ST8SIA1: variants seen among roughly 807,000 people sequenced by gnomAD.
The protein encoded by ST8SIA1 is alpha-N-acetylneuraminide alpha-2,8-sialyltransferase.
A neutral mutation model predicts 35.9 loss-of-function variants in ST8SIA1; 16 were observed. That is an observed-to-expected ratio of 0.45 (90% CI 0.30 to 0.68). The LOEUF is 0.68. Among genes scored for constraint, ST8SIA1 ranks in the 30% least tolerant of loss-of-function variants. The pLI, the probability that ST8SIA1 is intolerant of heterozygous loss-of-function variation, is 0.09. For synonymous variants in ST8SIA1, 170 were observed against 169.6 expected, an observed-to-expected ratio of 1.00 and a Z score of -0.02; for missense variants, 383 against 453.6, an observed-to-expected ratio of 0.84 and a Z score of 1.41.
intron 4 of ST8SIA1, among the ~76,000 whole-genome samples, chr12:22,245,377 G>A (rs1865588356): frequency 6.6e-6 from 1 of 152,114 alleles, no homozygotes. Context: ...ATTATTTGAT[G>A]CTATTGTAAA....
intron 1 of ST8SIA1, among the ~76,000 whole-genome samples, chr12:22,291,557 C>A (rs903543982): frequency 7.9e-5 from 12 of 152,178 alleles, no homozygotes; most frequent in Non-Finnish European, 1.5e-4. Context: ...GACAAATGAT[C>A]ATTTGATCTT....
intron 2 of ST8SIA1, among the ~76,000 whole-genome samples, chr12:22,259,088 T>C (rs535661743): frequency 6.6e-6 from 1 of 152,312 alleles, no homozygotes; most frequent in African/African-American, 2.4e-5. Flanking sequence ...TTTTCATTTC[T>C]TTCCTCCTTC....
chr12:22,299,230 T>C (rs944954269), intron 1 of ST8SIA1, among the ~76,000 whole-genome samples: 12 of 152,198 alleles, frequency 7.9e-5, no homozygotes, highest in Non-Finnish European at 1.8e-4. Flanking sequence ...AAAAGTGTCC[T>C]TTTTAAAGAG....
chr12:22,272,361 C>T (rs1212165570), intron 2 of ST8SIA1, among the ~76,000 whole-genome samples: 5 of 152,096 alleles, frequency 3.3e-5, no homozygotes, highest in African/African-American at 7.2e-5. Flanking sequence ...GTTTTCAACT[C>T]GAAGGATGAT....
rs752382424 is a variant in ST8SIA1 at position 22,199,670 on chromosome 12, C to T, written c.*1882G>A. 5 of 152,140 alleles carry T rather than the reference C, an allele frequency of 3.3e-5. No individual in the cohort carries two copies. The highest frequency in any genetic ancestry group is 7.4e-5 in the Non-Finnish European group (5 of 68,014). The allele number at this position is 152,140 out of a possible 1,614,324, so 9.4% of individuals were successfully genotyped here. ...AATTCTAATTTTTATAATAACCTCA[C>T]TATTTAATTGCATTTAGAAATGGTC... is the stretch of plus-strand genomic sequence containing the variant. On this transcript the variant is annotated 3_prime_UTR_variant, in exon 5 of 5. Coordinates refer to ENST00000396037, the MANE Select transcript of ST8SIA1 (RefSeq NM_003034.4).
intron 1 of ST8SIA1, among the ~76,000 whole-genome samples, chr12:22,293,924 T>G (rs1158054153): frequency 6.6e-6 from 1 of 152,208 alleles, no homozygotes; most frequent in African/African-American, 2.4e-5. Flanking sequence ...AAGTTTCTTA[T>G]TCTAAAAACT....
chr12:22,231,886 T>C (rs536414483), intron 4 of ST8SIA1, among the ~76,000 whole-genome samples: 18 of 152,276 alleles, frequency 1.2e-4, no homozygotes, highest in African/African-American at 4.1e-4. Context: ...AATGTCAAAG[T>C]TTAAAAGACA....
At chr12:22,265,246 C>T (rs1046020604) in intron 2 of ST8SIA1, among the ~76,000 whole-genome samples, 7 of 152,262 alleles carry the variant, frequency 4.6e-5, no homozygotes, top group African/African-American at 9.6e-5. Context: ...GAAGGAAATA[C>T]GAAGGGCAGG....
intron 4 of ST8SIA1, among the ~76,000 whole-genome samples, chr12:22,245,260 C>T (rs1201196944): frequency 6.6e-6 from 1 of 152,176 alleles, no homozygotes; most frequent in African/African-American, 2.4e-5. Flanking sequence ...TTCAATCATG[C>T]ACATGGTATT....
rs886613760 is a variant in ST8SIA1 at position 22,200,058 on chromosome 12, A to G, written c.*1494T>C. Reference sequence around the variant, plus strand: ...AACAAGCTAAGTAGTCCTACCTGCTACTAAGGAAATAAATAGCTACTAATT... The same window carrying G: ...AACAAGCTAAGTAGTCCTACCTGCTGCTAAGGAAATAAATAGCTACTAATT... On this transcript the variant is annotated 3_prime_UTR_variant, in exon 5 of 5. Transcript: ENST00000396037. The G allele has an allele frequency of 6.6e-6, 1 of 152,244 alleles. No homozygotes were observed. 9.4% of individuals were successfully genotyped at this position (152,244 alleles called of 1,614,324 possible). A position where few individuals can be genotyped will look rare whatever the true frequency, so the allele number is the denominator to read the frequency against.
intron 2 of ST8SIA1, among the ~76,000 whole-genome samples, chr12:22,280,336 T>G (rs561767714): frequency 3.3e-4 from 50 of 152,286 alleles, no homozygotes; most frequent in African/African-American, 1.2e-3. Flanking sequence ...CAGGTTCTCC[T>G]GCAGGGAAAC....
chr12:22,258,517 C>T (rs1034419378), intron 2 of ST8SIA1, among the ~76,000 whole-genome samples: 1 of 151,594 alleles, frequency 6.6e-6, no homozygotes, highest in African/African-American at 2.4e-5. Flanking sequence ...AAAAAAATTA[C>T]ATCAAATGCT....
At chr12:22,322,923 T>C (rs571968277) in intron 1 of ST8SIA1, among the ~76,000 whole-genome samples, 6 of 152,374 alleles carry the variant, frequency 3.9e-5, no homozygotes, top group African/African-American at 1.4e-4. Context: ...CAGGACACTT[T>C]TCTTTTTCCT....
At chr12:22,248,974 G>A (rs777027794) in intron 4 of ST8SIA1, 32 bp downstream of exon 4, 69 of 1,506,540 alleles carry the variant, frequency 4.6e-5, no homozygotes, top group Middle Eastern at 1.7e-4. Flanking sequence ...CTTCATCTTC[G>A]TTCGTCACAA....
intron 2 of ST8SIA1, among the ~76,000 whole-genome samples, chr12:22,270,055 T>C (rs1401032187): frequency 6.6e-6 from 1 of 152,194 alleles, no homozygotes; most frequent in African/African-American, 2.4e-5. Flanking sequence ...GAGACTTCAT[T>C]AGGTTGTAAT....
chr12:22,241,526 T>C (rs1865540702), intron 4 of ST8SIA1, among the ~76,000 whole-genome samples: 1 of 151,958 alleles, frequency 6.6e-6, no homozygotes, highest in African/African-American at 2.4e-5. Context: ...GCCAACATCA[T>C]GCTTCCTGTA....
At chr12:22,252,694 T>C (rs1394281944) in intron 3 of ST8SIA1, among the ~76,000 whole-genome samples, 1 of 152,138 alleles carries the variant, frequency 6.6e-6, no homozygotes, top group Non-Finnish European at 1.5e-5. Flanking sequence ...CTTGACTATA[T>C]CAACACCAGA....
At chr12:22,269,107 C>T (rs938715798) in intron 2 of ST8SIA1, among the ~76,000 whole-genome samples, 3 of 152,008 alleles carry the variant, frequency 2.0e-5, no homozygotes, top group Non-Finnish European at 2.9e-5. Flanking sequence ...TAAATTTATT[C>T]CAAGAGTAGG....
chr12:22,319,701 G>C (rs1161147880), intron 1 of ST8SIA1, among the ~76,000 whole-genome samples: 1 of 152,088 alleles, frequency 6.6e-6, no homozygotes, highest in Non-Finnish European at 1.5e-5. Flanking sequence ...GGAAAATTGG[G>C]AGCAAGAAAA....
Sources: allele counts gnomAD v4.1 joint callset (sites outside exome capture counted in the v4.1 genomes callset), GRCh38; gene constraint gnomAD v4.1.1; transcripts MANE v1.5; gene names NCBI Gene and HGNC (gene_info 2026-07-23, HGNC 2026-07-21).